CACNA1A: variants seen among roughly 807,000 people sequenced by gnomAD.
The protein encoded by CACNA1A is voltage-dependent P/Q-type calcium channel subunit alpha-1A.
Under a neutral mutation model 262.4 loss-of-function variants are expected in CACNA1A, and 57 were observed. The ratio of observed to expected loss-of-function variants is 0.22; its 90% CI spans 0.18 to 0.27. The LOEUF is 0.27. CACNA1A is among the 10% of genes least tolerant of loss of function. CACNA1A has a pLI of 1.00. For missense variants in CACNA1A, 2,526 were observed against 3,562.8 expected, an observed-to-expected ratio of 0.71 and a Z score of 7.41; for synonymous variants, 1,431 against 1,419.3, an observed-to-expected ratio of 1.01 and a Z score of -0.18.
intron 3 of CACNA1A, among the ~76,000 whole-genome samples, chr19:13,428,000 C>A (rs1002264836): frequency 6.6e-6 from 1 of 151,706 alleles, no homozygotes; most frequent in African/African-American, 2.4e-5. Context: ...GGAGTGATCT[C>A]GACTCACTGC....
In CACNA1A at chr19:13,210,828, C is replaced by A. The variant is rs2054785669; in HGVS notation, c.6304-176G>T. 8.5e-6 allele frequency: 6 copies of A among 708,378 alleles called. No individual in the cohort carries two copies. In the Admixed American group the frequency reaches 1.4e-4, roughly 16 times the overall value. 43.9% of individuals were successfully genotyped at this position (708,378 alleles called of 1,614,324 possible). ...CAGGGAGGAAAAGAAAAGTTAAAGT[C>A]CTGGCGGGTGGGTGTCCCAGGCCCC... On this transcript the variant is annotated intron_variant, in intron 43 of 46. Transcript: ENST00000360228.
intron 19 of CACNA1A, among the ~76,000 whole-genome samples, chr19:13,297,064 A>C (rs149425953): frequency 6.6e-6 from 1 of 152,346 alleles, no homozygotes; most frequent in South Asian, 2.1e-4. Context: ...TTAGGTAAAT[A>C]GAGTTGGCTG....
chr19:13,258,893 A>G (rs1486870081), intron 27 of CACNA1A: 1 of 152,130 alleles, frequency 6.6e-6, no homozygotes, highest in Non-Finnish European at 1.5e-5. Context: ...AAAAATCAAA[A>G]TTAATGCAAA....
At chr19:13,409,671 G>A (rs369947947) in intron 3 of CACNA1A, among the ~76,000 whole-genome samples, 23 of 152,110 alleles carry the variant, frequency 1.5e-4, no homozygotes, top group African/African-American at 4.6e-4. Flanking sequence ...TTAGCCTCCC[G>A]AATAGCTGGG....
At chr19:13,502,018 G>C (rs1335801166) in intron 1 of CACNA1A, among the ~76,000 whole-genome samples, 6 of 152,108 alleles carry the variant, frequency 3.9e-5, no homozygotes, top group Non-Finnish European at 5.9e-5. Context: ...CAAGGATCAC[G>C]TAAGTGACAC....
intron 24 of CACNA1A, chr19:13,275,648 G>T: frequency 1.7e-6 from 1 of 595,490 alleles, no homozygotes; most frequent in Non-Finnish European, 3.0e-6. Flanking sequence ...GCAGGAGGGG[G>T]GGTCCCTTCT....
chr19:13,358,651 A>G (rs180789064), intron 6 of CACNA1A, among the ~76,000 whole-genome samples: 47 of 152,330 alleles, frequency 3.1e-4, no homozygotes, highest in African/African-American at 1.1e-3. Context: ...TATTGTGGGA[A>G]GAGGAAGTAG....
chr19:13,402,865 C>T lies in CACNA1A; in HGVS notation c.540-31086G>A, dbSNP rs1439393346. On this transcript the variant is annotated intron_variant, in intron 3 of 46. Coordinates refer to ENST00000360228, the MANE Select transcript of CACNA1A (RefSeq NM_001127222.2). ...ATATACACATATATATATACACACACACACACACATATATATATATATATA... is the reference window on the plus strand; with the variant it reads ...ATATACACATATATATATACACACATACACACACATATATATATATATATA... Among the ~76,000 whole-genome samples the T allele has an allele frequency of 3.6e-4, 26 of 72,258 alleles. No individual in the cohort carries two copies. In the East Asian group the frequency reaches 4.3e-3, roughly 12 times the overall value. The allele number at this position is 72,258 out of a possible 152,430, so 47.4% of individuals were successfully genotyped here. A position where few individuals can be genotyped will look rare whatever the true frequency, so the allele number is the denominator to read the frequency against.
chr19:13,253,445 C>T (rs1280623219), intron 29 of CACNA1A, among the ~76,000 whole-genome samples: 4 of 94,244 alleles, frequency 4.2e-5, no homozygotes, highest in East Asian at 2.9e-4. Flanking sequence ...CTGAATTATA[C>T]TTTTTTTTTT....
At chr19:13,430,640 T>C (rs527770376) in intron 3 of CACNA1A, among the ~76,000 whole-genome samples, 1 of 152,300 alleles carries the variant, frequency 6.6e-6, no homozygotes, top group African/African-American at 2.4e-5. Context: ...AGTGAATACT[T>C]ACTATGTGCC....
At chr19:13,209,264 C>A (rs1600081150) in intron 45 of CACNA1A, 48 bp downstream of exon 45, 1 of 1,436,460 alleles carries the variant, frequency 7.0e-7, no homozygotes, top group Non-Finnish European at 9.1e-7. Flanking sequence ...CTCCTCCCCT[C>A]TCCTCTCCTC....
chr19:13,427,508 A>T (rs1272282366), intron 3 of CACNA1A, among the ~76,000 whole-genome samples: 1 of 149,102 alleles, frequency 6.7e-6, no homozygotes, highest in African/African-American at 2.5e-5. Context: ...AGTTCCCCCT[A>T]TGAGCTGCTA....
chr19:13,206,944 G>GTTTTTTTTTT lies in CACNA1A; in HGVS notation c.*359_*368dup, dbSNP rs532268839. The GTTTTTTTTTT allele has an allele frequency of 1.5e-5, 1 of 65,110 alleles. No homozygotes were observed. The highest frequency in any genetic ancestry group is 2.7e-5 in the Non-Finnish European group (1 of 37,602). 4.0% of individuals were successfully genotyped at this position (65,110 alleles called of 1,614,324 possible). ...TCTCCCCGTTTTTTCTTTTAAAAAT[G>GTTTTTTTTTT]TTTTTTTTTTTTTTTTTTTTTTTTT... On this transcript the variant is annotated 3_prime_UTR_variant, in exon 47 of 47. Coordinates refer to ENST00000360228, the MANE Select transcript of CACNA1A (RefSeq NM_001127222.2).
At chr19:13,436,118 C>A (rs912402222) in intron 3 of CACNA1A, among the ~76,000 whole-genome samples, 7 of 152,188 alleles carry the variant, frequency 4.6e-5, no homozygotes, top group Admixed American at 4.6e-4. Context: ...AGCCACCGTG[C>A]CTGGCCTGCC....
At chr19:13,292,455 A>T (rs1233568108) in intron 19 of CACNA1A, among the ~76,000 whole-genome samples, 1 of 152,116 alleles carries the variant, frequency 6.6e-6, no homozygotes, top group Non-Finnish European at 1.5e-5. Context: ...TCTACAAAAA[A>T]TACAAAAGAT....
intron 44 of CACNA1A, among the ~76,000 whole-genome samples, chr19:13,210,245 G>A (rs114499451): frequency 0.019 from 2,899 of 152,316 alleles, 114 homozygotes; most frequent in African/African-American, 0.067. Context: ...CCAGCTGAGC[G>A]CTGGTGGCCC....
chr19:13,310,795 C>CT lies in CACNA1A; in HGVS notation c.1668+1873dup, dbSNP rs747620000. On this transcript the variant is annotated intron_variant, in intron 12 of 46. Transcript: ENST00000360228. ...TTGCTCAGGACATTTTAAAATTTTT[C>CT]TTTTTTTTTTTTTGAGACGGAGTCT... 3.9e-3 allele frequency among the ~76,000 whole-genome samples: 555 copies of CT among 142,602 alleles called. 1 individual carries two copies. Among genetic ancestry groups the CT allele is most frequent in the African/African-American group, 3.9e-3 (153 of 39,176 alleles). The allele number at this position is 142,602 out of a possible 152,430, so 93.6% of individuals were successfully genotyped here.
intron 15 of CACNA1A, among the ~76,000 whole-genome samples, chr19:13,306,279 A>G (rs945855144): frequency 6.6e-6 from 1 of 152,214 alleles, no homozygotes; most frequent in African/African-American, 2.4e-5. Context: ...GCCTCAGGGA[A>G]TGCGCCCACA....
chr19:13,466,210 T>C (rs2145006502), intron 1 of CACNA1A, among the ~76,000 whole-genome samples: 1 of 149,974 alleles, frequency 6.7e-6, no homozygotes, highest in Admixed American at 6.6e-5. Flanking sequence ...TGGTTTTGCT[T>C]TTTTTTTTTT....
Sources: gnomAD v4.1 joint callset for allele counts (sites outside exome capture counted in the v4.1 genomes callset) on GRCh38, gnomAD v4.1.1 for gene constraint, MANE v1.5 for transcripts, NCBI Gene and HGNC (gene_info 2026-07-23, HGNC 2026-07-21) for gene names.